The following R3HCC1 variants were observed in gnomAD, a reference collection of about 807,000 sequenced individuals.
R3HCC1 encodes the protein R3H domain and coiled-coil containing 1, also known as R3H and coiled-coil domain-containing protein 1.
Under a neutral mutation model 40.0 loss-of-function variants are expected in R3HCC1, and 32 were observed. The ratio of observed to expected loss-of-function variants is 0.80; its 90% confidence interval spans 0.60 to 1.07. The LOEUF (loss-of-function observed/expected upper bound fraction) is 1.07. R3HCC1 is among the 50% of genes least tolerant of loss of function. R3HCC1 has a pLI of 0.00. For missense variants in R3HCC1, 586 were observed against 563.3 expected (o/e 1.04, Z -0.41); for synonymous variants, 237 against 232.8 (o/e 1.02, Z -0.17).
intron 1 of R3HCC1, 44 bp downstream of exon 1, chr8:23,288,201 G>C: frequency 8.3e-7 from 1 of 1,205,760 alleles, no homozygotes; most frequent in Non-Finnish European, 1.0e-6. Flanking sequence ...CGACCCCCGG[G>C]CTCCCGGGTG....
chr8:23,290,567 A>C, intron 4 of R3HCC1, 98 bp downstream of exon 4: 1 of 1,356,864 alleles, frequency 7.4e-7, no homozygotes, highest in Non-Finnish European at 9.8e-7. Flanking sequence ...AGAGCAGGGG[A>C]TGTGCAAGGG....
chr8:23,288,543 A>ATGG lies in R3HCC1; in HGVS notation c.23_25dup (p.Gly8dup). 6.5e-7 allele frequency: 1 copy of ATGG among 1,535,828 alleles called. No homozygotes were observed. The highest frequency in any genetic ancestry group is 8.7e-7 in the Non-Finnish European group (1 of 1,146,810). On this transcript the variant is annotated inframe_insertion, in exon 2 of 8. Transcript: ENST00000265806. The stretch of plus-strand genomic sequence containing the variant: ...GTCACCCTGGCCCTTCTCTGCTTGG[A>ATGG]TGGTGTCTTCCTCTCCTCAGCCGAG...
At chr8:23,292,785 G>A (rs1302576623) in intron 5 of R3HCC1, among the ~76,000 whole-genome samples, 1 of 152,192 alleles carries the variant, frequency 6.6e-6, no homozygotes, top group African/African-American at 2.4e-5. Context: ...AGCCAGGCTG[G>A]GGCCGCTGTG....
At chr8:23,288,981 A>AC in intron 2 of R3HCC1, 35 bp from the exon 3 acceptor site, 1 of 1,535,084 alleles carries the variant, frequency 6.5e-7, no homozygotes. Context: ...CAGGCCCTGG[A>AC]CACCTGCTCA....
Position 23,291,420 on chromosome 8 carries a change from C to G in R3HCC1, c.912C>G (p.Ser304=), listed in dbSNP as rs1456187852. 2 of 1,551,760 alleles carry G rather than the reference C, an allele frequency of 1.3e-6. No homozygotes were observed. Among genetic ancestry groups the G allele is most frequent in the African/African-American group, 1.4e-5 (1 of 73,178 alleles). The stretch of plus-strand genomic sequence containing the variant: ...TAGAGAAGATCCATTTGGACACATC[C>G]TCCTTCGTGGAGGAGCTGCCTGGAG... The change falls in exon 5 of 8, where the codon TCC becomes TCG. Residue 304 remains serine, a synonymous_variant. Coordinates refer to ENST00000265806, the MANE Select transcript of R3HCC1 (RefSeq NM_001136108.3).
rs1417591437 is a variant in R3HCC1, at chr8:23,288,174, T to C, written c.-19+17T>C. On this transcript the variant is annotated intron_variant, in intron 1 of 7. Transcript: ENST00000265806. ...GAGGCCGCGGTGAGTGCAGCAGCAC[T>C]GGGGGGGTGGTCGTCCCGACCCCCG... 9.1e-6 allele frequency: 11 copies of C among 1,211,118 alleles called. No homozygotes were observed. Among genetic ancestry groups the C allele is most frequent in the Non-Finnish European group, 1.1e-5 (11 of 957,082 alleles). The allele number at this position is 1,211,118 out of a possible 1,614,324, so 75.0% of individuals were successfully genotyped here. A position where few individuals can be genotyped will look rare whatever the true frequency, so the allele number is the denominator to read the frequency against.
At position 23,296,174 on chromosome 8, in the gene R3HCC1, C is replaced by T. The variant is rs2117130815; in HGVS notation, c.*77C>T. The stretch of plus-strand genomic sequence containing the variant: ...CCAACACCATAAGCCTTCACAGACG[C>T]CAGAGCAGCCCCGCACCACCCTCGA... On this transcript the variant is annotated 3_prime_UTR_variant, in exon 8 of 8. Coordinates refer to ENST00000265806, the MANE Select transcript of R3HCC1 (RefSeq NM_001136108.3). The T allele has an allele frequency of 6.8e-7, 1 of 1,463,522 alleles. No homozygotes were observed. Among genetic ancestry groups the T allele is most frequent in the South Asian group, 1.4e-5 (1 of 72,586 alleles). The allele number at this position is 1,463,522 out of a possible 1,614,324, so 90.7% of individuals were successfully genotyped here.
chr8:23,294,918 C>CGAGCATGTGTGTGTGTGCGTGT (rs1411547024), intron 7 of R3HCC1, 54 bp downstream of exon 7: 2 of 1,266,410 alleles, frequency 1.6e-6, no homozygotes, highest in Non-Finnish European at 2.2e-6. Context: ...TGTGTGCGTG[C>CGAGCATGTGTGTGTGTGCGTGT]GAGCATGTGT....
rs537207654 is a variant in R3HCC1 at position 23,288,177 on chromosome 8, G to C, written c.-19+20G>C. 82 of 1,210,594 alleles carry C rather than the reference G, an allele frequency of 6.8e-5. No homozygotes were observed. The African/African-American group carries it at 9.3e-4, about 14-fold the overall frequency. 75.0% of individuals were successfully genotyped at this position (1,210,594 alleles called of 1,614,324 possible). A position where few individuals can be genotyped will look rare whatever the true frequency, so the allele number is the denominator to read the frequency against. On this transcript the variant is annotated intron_variant, in intron 1 of 7. Transcript: ENST00000265806. ...GCCGCGGTGAGTGCAGCAGCACTGG[G>C]GGGGTGGTCGTCCCGACCCCCGGGC...
At chr8:23,294,675 G>A in intron 6 of R3HCC1, 94 bp from the exon 7 acceptor site, 1 of 942,670 alleles carries the variant, frequency 1.1e-6, no homozygotes, top group Admixed American at 2.0e-5. Context: ...GCTTTGAATA[G>A]GTGCACAACA....
chr8:23,295,160 G>A (rs1019763397), intron 7 of R3HCC1, among the ~76,000 whole-genome samples: 4 of 152,126 alleles, frequency 2.6e-5, no homozygotes, highest in Non-Finnish European at 5.9e-5. Flanking sequence ...TGGGCACAGG[G>A]AAAAGCTTGG....
In R3HCC1 at chr8:23,296,060, A is replaced by G. The variant is rs1803009410; in HGVS notation, c.1286A>G (p.Lys429Arg). The change falls in exon 8 of 8, where the codon AAA becomes AGA. Residue 429 changes from lysine to arginine, a missense_variant. Lys to Arg is a conservative substitution (Grantham distance 26). Transcript: ENST00000265806. The stretch of plus-strand genomic sequence containing the variant: ...GCCCTGGGACTCCAACACAAAAAGA[A>G]AGAGCGGCCTGCTGTCCGGGGTCCG... The G allele has an allele frequency of 6.4e-7, 1 of 1,550,544 alleles. No individual in the cohort carries two copies. The highest frequency in any genetic ancestry group is 1.4e-5 in the African/African-American group (1 of 73,024).
chr8:23,288,449 C>T (rs1375121917), intron 1 of R3HCC1, 57 bp from the exon 2 acceptor site: 18 of 1,522,960 alleles, frequency 1.2e-5, no homozygotes, highest in Non-Finnish European at 1.5e-5. Flanking sequence ...GTTGCGGGGT[C>T]GCGGGAGATC....
Position 23,289,109 on chromosome 8 carries a change from G to T in R3HCC1, c.204G>T (p.Gly68=), listed in dbSNP as rs1198339725. The T allele has an allele frequency of 3.9e-6, 6 of 1,536,270 alleles. No homozygotes were observed. Among genetic ancestry groups the T allele is most frequent in the African/African-American group, 1.4e-5 (1 of 73,052 alleles). ...ATCTCTTGAGCAGCTTCTCCGTTGG[G>T]GAGGGCTGGAAGAGGAGGACGGTCA... Residue 68 remains glycine (G), a synonymous_variant, in exon 3 of 8, where the codon GGG becomes GGT. Transcript: ENST00000265806.
Position 23,290,461 on chromosome 8 carries a change from C to A in R3HCC1, c.844C>A (p.Leu282Met). 1 of 1,548,748 alleles carries A rather than the reference C, an allele frequency of 6.5e-7. No homozygotes were observed. Among genetic ancestry groups the A allele is most frequent in the Non-Finnish European group, 8.7e-7 (1 of 1,145,426 alleles). Residue 282 changes from leucine to methionine, a missense_variant, in exon 4 of 8, where the codon CTG becomes ATG. Leu to Met is a conservative substitution (Grantham distance 15). Transcript: ENST00000265806. ...CTCGGAGGACGATTACAGTGAGCTG[C>A]TGCAGGAGGTGATGAGGCTCTTGAG...
At chr8:23,288,720 C>T in intron 2 of R3HCC1, 87 bp downstream of exon 2, 1 of 1,471,202 alleles carries the variant, frequency 6.8e-7, no homozygotes, top group Non-Finnish European at 9.1e-7. Flanking sequence ...CAGGTGGTGC[C>T]TGGCAGCTGG....
Position 23,294,477 on chromosome 8 carries a change from C to T in R3HCC1, c.1097-292C>T, listed in dbSNP as rs565753787. Among the ~76,000 whole-genome samples, 179 of 152,316 alleles carry T rather than the reference C, an allele frequency of 1.2e-3. 3 individuals carry two copies. The highest frequency in any genetic ancestry group is 1.7e-3 in the Non-Finnish European group (114 of 68,026). On this transcript the variant is annotated intron_variant, in intron 6 of 7. Coordinates refer to ENST00000265806, the MANE Select transcript of R3HCC1 (RefSeq NM_001136108.3). ...GTGTTTAGCCCTGGGGCTTTGGAAA[C>T]TGGGAGCCCGCCTCTTCTGATGTCA...
chr8:23,294,446 G>C (rs138963185), intron 6 of R3HCC1, among the ~76,000 whole-genome samples: 17 of 152,326 alleles, frequency 1.1e-4, no homozygotes, highest in Non-Finnish European at 2.2e-4. Flanking sequence ...GAAAGGGGGA[G>C]AGGTTGTGTT....
chr8:23,294,711 G>C (rs1038770624), intron 6 of R3HCC1, 58 bp from the exon 7 acceptor site: 15 of 1,329,042 alleles, frequency 1.1e-5, no homozygotes, highest in Non-Finnish European at 1.5e-5. Flanking sequence ...GGGGTGGTGG[G>C]TGTGCCGCGG....
Sources: gnomAD v4.1 joint callset for allele counts (sites outside exome capture counted in the v4.1 genomes callset) on GRCh38, gnomAD v4.1.1 for gene constraint, MANE v1.5 for transcripts, NCBI Gene and HGNC (gene_info 2026-07-23, HGNC 2026-07-21) for gene names.